The following PCDHGB3 variants were observed in gnomAD, a reference collection of about 807,000 sequenced individuals.
The protein encoded by PCDHGB3 is protocadherin gamma-B3.
Under a neutral mutation model 59.2 loss-of-function variants are expected in PCDHGB3, and 40 were observed. The ratio of observed to expected loss-of-function variants is 0.68; its 90% CI spans 0.52 to 0.88. The LOEUF is 0.88. Among genes scored for constraint, PCDHGB3 ranks in the 40% least tolerant of loss-of-function variants. The pLI is 0.00. For missense variants in PCDHGB3, 1,309 were observed against 1,187.9 expected (o/e 1.10, Z -1.50); for synonymous variants, 581 against 503.6 (o/e 1.15, Z -2.06).
In PCDHGB3 at chr5:141,511,460, A is replaced by ACCC. The variant is rs1367357803; in HGVS notation, c.*289_*291dup. The ACCC allele has an allele frequency of 2.4e-4, 137 of 564,806 alleles. 1 individual carries two copies. In the Middle Eastern group the frequency reaches 2.7e-3, roughly 11 times the overall value. The allele number at this position is 564,806 out of a possible 1,614,324, so 35.0% of individuals were successfully genotyped here. A position where few individuals can be genotyped will look rare whatever the true frequency, so the allele number is the denominator to read the frequency against. ...GTAGACACCAAGAACCATTTGCCAC[A>ACCC]CCCCGTTTAGTTACAGCTGAACTCC... On this transcript the variant is annotated 3_prime_UTR_variant, in exon 4 of 4. Transcript: ENST00000576222.
intron 3 of PCDHGB3, among the ~76,000 whole-genome samples, chr5:141,509,633 GA>G (rs2099877629): frequency 6.6e-6 from 1 of 152,204 alleles, no homozygotes; most frequent in Non-Finnish European, 1.5e-5. Flanking sequence ...GGGTGATGCT[GA>G]GCCAGGGCCA....
At chr5:141,481,327 T>C (rs2099535776) in intron 1 of PCDHGB3, among the ~76,000 whole-genome samples, 1 of 152,244 alleles carries the variant, frequency 6.6e-6, no homozygotes, top group Non-Finnish European at 1.5e-5. Context: ...CACTAGCCCC[T>C]GGACAACTAT....
At chr5:141,446,942 G>C (rs1252429052) in intron 1 of PCDHGB3, among the ~76,000 whole-genome samples, 1 of 152,058 alleles carries the variant, frequency 6.6e-6, no homozygotes, top group Non-Finnish European at 1.5e-5. Flanking sequence ...TTCACTGTAA[G>C]AAACATCCAG....
chr5:141,374,289 G>A, intron 1 of PCDHGB3: 1 of 1,614,016 alleles, frequency 6.2e-7, no homozygotes. Context: ...ATCGTCTCCA[G>A]AGGTAGGATG....
rs1348297963 is a variant in PCDHGB3, at chr5:141,487,103, G to A, written c.2416-7704G>A. 6.2e-7 allele frequency: 1 copy of A among 1,614,124 alleles called. No individual in the cohort carries two copies. Among genetic ancestry groups the A allele is most frequent in the Non-Finnish European group, 8.5e-7 (1 of 1,180,000 alleles). On this transcript the variant is annotated intron_variant, in intron 1 of 3. Coordinates refer to ENST00000576222, the MANE Select transcript of PCDHGB3 (RefSeq NM_018924.5). The surrounding 1 kb of genome is among the most constrained non-coding windows in gnomAD (Gnocchi z 5.0). ...AGCTGACCTCCCACCACAGAAGCTG[G>A]TCATTGTGGTAAAGGATAGTGGTAG...
chr5:141,454,232 G>T (rs2098784520), intron 1 of PCDHGB3, among the ~76,000 whole-genome samples: 1 of 152,146 alleles, frequency 6.6e-6, no homozygotes, highest in African/African-American at 2.4e-5. Context: ...TAATTGTGAT[G>T]AAAAGGATGA....
chr5:141,389,784 G>A (rs1380763543), intron 1 of PCDHGB3: 5 of 1,613,318 alleles, frequency 3.1e-6, no homozygotes, highest in Non-Finnish European at 4.2e-6. Flanking sequence ...AGGCGACAGG[G>A]ACGCCGTCCG....
intron 1 of PCDHGB3, chr5:141,392,696 T>A: frequency 8.2e-7 from 1 of 1,212,692 alleles, no homozygotes. Flanking sequence ...ACCCGACCCC[T>A]GTTTGGAGGC....
At chr5:141,483,122 A>G (rs1159736878) in intron 1 of PCDHGB3, among the ~76,000 whole-genome samples, 1 of 152,166 alleles carries the variant, frequency 6.6e-6, no homozygotes, top group Non-Finnish European at 1.5e-5. Context: ...CAGTCTTTGT[A>G]GGAGATGAGG....
At chr5:141,388,228 A>G (rs768450383) in intron 1 of PCDHGB3, 9 of 1,605,464 alleles carry the variant, frequency 5.6e-6, no homozygotes, top group Non-Finnish European at 7.7e-6. Context: ...AATCCACTGA[A>G]CTTTTATCAC....
Position 141,371,581 on chromosome 5 carries a change from A to G in PCDHGB3, c.1187A>G (p.Gln396Arg), listed in dbSNP as rs764497164. 1.9e-6 allele frequency: 3 copies of G among 1,613,936 alleles called. No homozygotes were observed. Among genetic ancestry groups the G allele is most frequent in the East Asian group, 2.2e-5 (1 of 44,882 alleles). ...LKGNFPFKIV[Q>R]DTKNTYRLVT... is the part of the protein sequence containing the mutation. ...GGAAACTTCCCCTTTAAAATCGTTCAAGATACCAAAAACACATACAGGTTG... is the reference window on the plus strand; with the variant it reads ...GGAAACTTCCCCTTTAAAATCGTTCGAGATACCAAAAACACATACAGGTTG... Residue 396 changes from glutamine to arginine, a missense_variant, in exon 1 of 4, where the codon CAA (glutamine) becomes CGA (arginine). Gln to Arg is a conservative substitution (Grantham distance 43). Coordinates refer to ENST00000576222, the MANE Select transcript of PCDHGB3 (RefSeq NM_018924.5).
Position 141,490,760 on chromosome 5 carries a change from T to G in PCDHGB3, c.2416-4047T>G. 1 of 1,614,070 alleles carries G rather than the reference T, an allele frequency of 6.2e-7. No individual in the cohort carries two copies. On this transcript the variant is annotated intron_variant, in intron 1 of 3. Coordinates refer to ENST00000576222, the MANE Select transcript of PCDHGB3 (RefSeq NM_018924.5). This position sits in a 1 kb window ranked among gnomAD's most constrained non-coding sequence, Gnocchi z 5.4. Reference sequence around the variant, plus strand: ...CAGGGAGCCCCAGCCTCCTCCTTTGTGTATGTCAACCCAGAGGATGGACGG... The same window carrying G: ...CAGGGAGCCCCAGCCTCCTCCTTTGGGTATGTCAACCCAGAGGATGGACGG...
Position 141,485,875 on chromosome 5 carries a change from C to T in PCDHGB3, c.2416-8932C>T, listed in dbSNP as rs1254918181. The T allele has an allele frequency of 1.9e-6, 3 of 1,614,150 alleles. No homozygotes were observed. The highest frequency in any genetic ancestry group is 2.2e-5 in the East Asian group (1 of 44,862). On this transcript the variant is annotated intron_variant, in intron 1 of 3. Transcript: ENST00000576222. This position sits in a 1 kb window ranked among gnomAD's most constrained non-coding sequence, Gnocchi z 5.7. ...CAGAGCTCCGGGTATCCGTGCTGGACGTAAACGACAACGCCCCAGCCTTCC... is the reference window on the plus strand; with the variant it reads ...CAGAGCTCCGGGTATCCGTGCTGGATGTAAACGACAACGCCCCAGCCTTCC...
intron 1 of PCDHGB3, among the ~76,000 whole-genome samples, chr5:141,482,530 C>CAAAAAAAAAA (rs3074545): frequency 1.2e-3 from 90 of 76,428 alleles, no homozygotes; most frequent in African/African-American, 1.7e-3. Context: ...GACAGACATG[C>CAAAAAAAAAA]AAAAAAAAAA....
Position 141,477,865 on chromosome 5 carries a change from T to A in PCDHGB3, c.2416-16942T>A, listed in dbSNP as rs1380570615. On this transcript the variant is annotated intron_variant, in intron 1 of 3. Transcript: ENST00000576222. This position sits in a 1 kb window ranked among gnomAD's most constrained non-coding sequence, Gnocchi z 4.9. ...GCTCGGTGGAGATGCTGCCTCGAGG[T>A]ACCTCAGCTGGCCACCTAGTGTCAC... 6.2e-7 allele frequency: 1 copy of A among 1,612,698 alleles called. No individual in the cohort carries two copies. Among genetic ancestry groups the A allele is most frequent in the Non-Finnish European group, 8.5e-7 (1 of 1,179,562 alleles).
intron 1 of PCDHGB3, chr5:141,379,054 G>A (rs969073480): frequency 6.6e-5 from 10 of 152,204 alleles, no homozygotes; most frequent in Admixed American, 5.2e-4. Context: ...TTATAGAATG[G>A]ATTGGCCACT....
chr5:141,413,649 C>G, intron 1 of PCDHGB3: 1 of 1,613,836 alleles, frequency 6.2e-7, no homozygotes, highest in South Asian at 1.1e-5. Flanking sequence ...GTTTTCCTCT[C>G]CCGGAAGCTA....
intron 1 of PCDHGB3, chr5:141,398,722 A>T: frequency 1.9e-6 from 3 of 1,613,816 alleles, no homozygotes; most frequent in Non-Finnish European, 2.5e-6. Context: ...ACTGGAGAAA[A>T]CCTTAGACCG....
At position 141,431,335 on chromosome 5, in the gene PCDHGB3, C is replaced by A. The variant is rs747132346; in HGVS notation, c.2415+58526C>A. On this transcript the variant is annotated intron_variant, in intron 1 of 3. Transcript: ENST00000576222. This position sits in a 1 kb window ranked among gnomAD's most constrained non-coding sequence, Gnocchi z 4.8. ...ATGGAGCCGACGGTAGTAAGTACCCCGAATTGGTGCTGAAACGCGCCCTGG... is the reference window on the plus strand; with the variant it reads ...ATGGAGCCGACGGTAGTAAGTACCCAGAATTGGTGCTGAAACGCGCCCTGG... 11 of 1,613,944 alleles carry A rather than the reference C, an allele frequency of 6.8e-6. No homozygotes were observed. The Admixed American group carries it at 1.5e-4, about 22-fold the overall frequency.
Sources: gnomAD v4.1 joint callset for allele counts (sites outside exome capture counted in the v4.1 genomes callset) on GRCh38, gnomAD v4.1.1 for gene constraint, Gnocchi (gnomAD v3.1) non-coding constraint, MANE v1.5 for transcripts, NCBI Gene and HGNC (gene_info 2026-07-23, HGNC 2026-07-21) for gene names.